Variants in PTPRQ observed in about 807,000 individuals in gnomAD.
PTPRQ encodes phosphatidylinositol phosphatase PTPRQ.
In PTPRQ, 199 loss-of-function variants were observed where a neutral mutation model predicts 246.0. The ratio of observed to expected loss-of-function variants is 0.81; its 90% CI spans 0.72 to 0.91. PTPRQ has a LOEUF of 0.91. PTPRQ is among the 40% of genes least tolerant of loss of function. PTPRQ has a pLI of 0.00. For synonymous variants in PTPRQ, 869 were observed against 853.2 expected (o/e 1.02, Z -0.32); for missense variants, 2,624 against 2,528.4 (o/e 1.04, Z -0.81).
chr12:80,444,435 G>GTCATGGGCT (rs1892489887), intron 1 of PTPRQ, 36 bp downstream of exon 1: 1 of 1,178,930 alleles, frequency 8.5e-7, no homozygotes, highest in Non-Finnish European at 1.2e-6. Flanking sequence ...CAAGGGCTAA[G>GTCATGGGCT]TCATGGGCTG....
intron 14 of PTPRQ, among the ~76,000 whole-genome samples, chr12:80,499,535 A>G (rs1394167785): frequency 1.3e-5 from 2 of 151,964 alleles, no homozygotes; most frequent in Non-Finnish European, 2.9e-5. Flanking sequence ...CTTATTAAAT[A>G]CAGTAATTAT....
chr12:80,468,189 G>T (rs906817713), intron 6 of PTPRQ, among the ~76,000 whole-genome samples: 1 of 151,962 alleles, frequency 6.6e-6, no homozygotes, highest in Non-Finnish European at 1.5e-5. Context: ...TATTACATTT[G>T]AATCCTCCAA....
intron 38 of PTPRQ, among the ~76,000 whole-genome samples, chr12:80,655,100 A>G (rs1050289209): frequency 2.0e-4 from 30 of 152,224 alleles, no homozygotes; most frequent in African/African-American, 6.7e-4. Flanking sequence ...TTATAGGATG[A>G]GAAGAGAATA....
intron 7 of PTPRQ, among the ~76,000 whole-genome samples, chr12:80,470,426 G>A (rs748972968): frequency 2.1e-4 from 32 of 152,166 alleles, no homozygotes; most frequent in Non-Finnish European, 4.3e-4. Context: ...TTAGTTGGGA[G>A]TGAAGATAGG....
chr12:80,489,965 C>A (rs920436929), intron 9 of PTPRQ, among the ~76,000 whole-genome samples: 1 of 82,240 alleles, frequency 1.2e-5, no homozygotes, highest in Non-Finnish European at 3.4e-5. Context: ...AGAATATCAA[C>A]GTTTGTCACT....
intron 27 of PTPRQ, among the ~76,000 whole-genome samples, chr12:80,608,814 G>C (rs952902047): frequency 6.6e-6 from 1 of 150,402 alleles, no homozygotes; most frequent in Non-Finnish European, 1.5e-5. Flanking sequence ...CCAATGAATG[G>C]GACCCAGGCC....
rs746984935 is a variant in PTPRQ at position 80,588,187 on chromosome 12, G to C, written c.4344G>C (p.Leu1448Phe). 4 of 1,549,642 alleles carry C rather than the reference G, an allele frequency of 2.6e-6. No homozygotes were observed. The African/African-American group carries it at 4.1e-5, about 16-fold the overall frequency. ...ATGTTCAGTCAACTAGTGCAACATT[G>C]ACATGGATAAGACCTGACACTATCC... ...FSDVQSTSAT[L>F]TWIRPDTILG... Residue 1448 changes from leucine (L) to phenylalanine (F), a missense_variant, in exon 26 of 45, where the codon TTG becomes TTC. By Grantham distance (22) the Leu-to-Phe change is conservative (BLOSUM62 0). Transcript: ENST00000644991.
At position 80,468,791 on chromosome 12, in the gene PTPRQ, T is replaced by C. The variant is rs1244386570; in HGVS notation, c.992T>C (p.Ile331Thr). The change falls in exon 7 of 45, where the codon ATA (isoleucine) becomes ACA (threonine). Residue 331 changes from isoleucine (I) to threonine (T), a missense_variant. Transcript: ENST00000644991. ...SFSILWDPPTIVTGKFSYRVE... is the reference protein window; with the variant it reads ...SFSILWDPPTTVTGKFSYRVE... ...TCAATTTTATGGGACCCACCAACTA[T>C]AGTAACAGGGAAATTTAGTTATAGA... is the stretch of plus-strand genomic sequence containing the variant. 3 of 1,550,208 alleles carry C rather than the reference T, an allele frequency of 1.9e-6. No individual in the cohort carries two copies. The highest frequency in any genetic ancestry group is 1.2e-5 in the South Asian group (1 of 83,708).
At chr12:80,552,673 A>G (rs1277407622) in intron 25 of PTPRQ, among the ~76,000 whole-genome samples, 10 of 117,806 alleles carry the variant, frequency 8.5e-5, no homozygotes, top group Non-Finnish European at 1.4e-4. Context: ...ATATATATAT[A>G]TATATATATA....
chr12:80,638,047 C>T (rs774738894), intron 35 of PTPRQ, among the ~76,000 whole-genome samples: 4 of 152,018 alleles, frequency 2.6e-5, no homozygotes, highest in Non-Finnish European at 5.9e-5. Context: ...GTGGGTGGAT[C>T]ACCTGAGGTC....
At chr12:80,618,752 G>A (rs1898862552) in intron 30 of PTPRQ, among the ~76,000 whole-genome samples, 1 of 151,496 alleles carries the variant, frequency 6.6e-6, no homozygotes, top group African/African-American at 2.4e-5. Context: ...TAAGAAGAAT[G>A]AGTTAGCTCT....
rs1418643818 is a variant in PTPRQ, at chr12:80,554,375, T to C, written c.4285+4641T>C. Among the ~76,000 whole-genome samples the C allele has an allele frequency of 3.3e-5, 5 of 152,292 alleles. No individual in the cohort carries two copies. In the East Asian group the frequency reaches 9.6e-4, roughly 29 times the overall value. On this transcript the variant is annotated intron_variant, in intron 25 of 44. Transcript: ENST00000644991. The stretch of plus-strand genomic sequence containing the variant: ...ACCCATAAAAACTTAAGATTTAAAA[T>C]TTAAAACCAGTTAAAACAAAGCTAA...
chr12:80,501,538 T>G (rs1894799062), intron 14 of PTPRQ, among the ~76,000 whole-genome samples: 1 of 151,888 alleles, frequency 6.6e-6, no homozygotes. Flanking sequence ...GAGCTGAATA[T>G]ATAATTTGGA....
intron 26 of PTPRQ, among the ~76,000 whole-genome samples, chr12:80,590,607 G>A (rs1161309913): frequency 1.4e-5 from 2 of 143,086 alleles, no homozygotes; most frequent in African/African-American, 5.3e-5. Flanking sequence ...GGCGGAGCTT[G>A]CAGTGAGCCG....
At chr12:80,482,511 C>A (rs1225407145) in intron 8 of PTPRQ, among the ~76,000 whole-genome samples, 1 of 150,940 alleles carries the variant, frequency 6.6e-6, no homozygotes, top group Non-Finnish European at 1.5e-5. Context: ...CAACAAAAGA[C>A]AAAATTGACA....
Position 80,539,883 on chromosome 12 carries a change from T to C in PTPRQ, c.3093T>C (p.Ser1031=), listed in dbSNP as rs1424243609. 6.5e-7 allele frequency: 1 copy of C among 1,549,244 alleles called. No individual in the cohort carries two copies. Among genetic ancestry groups the C allele is most frequent in the Non-Finnish European group, 8.7e-7 (1 of 1,145,780 alleles). Reference sequence around the variant, plus strand: ...ACTATACATTTTGGTTAACAGCAAGTACTTCAGTTGGAAATGGGAATAAAA... The same window carrying C: ...ACTATACATTTTGGTTAACAGCAAGCACTTCAGTTGGAAATGGGAATAAAA... The part of the protein sequence containing the change: ...FSYYTFWLTA[S]TSVGNGNKSS... Residue 1031 remains serine (S), a synonymous_variant, in exon 20 of 45, where the codon AGT becomes AGC. Transcript: ENST00000644991.
At chr12:80,582,157 A>T (rs571111473) in intron 25 of PTPRQ, among the ~76,000 whole-genome samples, 1 of 152,188 alleles carries the variant, frequency 6.6e-6, no homozygotes, top group Non-Finnish European at 1.5e-5. Context: ...GGCTGGTAAA[A>T]TCAAATTCGA....
chr12:80,658,627 G>A (rs1338122024), intron 39 of PTPRQ, among the ~76,000 whole-genome samples: 1 of 151,912 alleles, frequency 6.6e-6, no homozygotes, highest in African/African-American at 2.4e-5. Flanking sequence ...AGCCTCTTTT[G>A]GCATTGATTC....
chr12:80,574,883 G>T (rs1897243320), intron 25 of PTPRQ, among the ~76,000 whole-genome samples: 1 of 152,056 alleles, frequency 6.6e-6, no homozygotes, highest in Non-Finnish European at 1.5e-5. Flanking sequence ...AAAATATTAG[G>T]CAAGGATTTA....
Sources: allele counts gnomAD v4.1 joint callset (sites outside exome capture counted in the v4.1 genomes callset), GRCh38; gene constraint gnomAD v4.1.1; transcripts MANE v1.5; gene names NCBI Gene and HGNC (gene_info 2026-07-23, HGNC 2026-07-21).